ADD3: variants seen among roughly 807,000 people sequenced by gnomAD.
ADD3 encodes the protein adducin 3.
In ADD3, 25 loss-of-function variants were observed where a neutral mutation model predicts 80.2. The observed-to-expected ratio is 0.31, with a 90% CI of 0.23 to 0.44. The LOEUF is 0.44. Ranked by LOEUF, ADD3 falls within the 20% of genes least tolerant of loss-of-function variation. The probability of loss-of-function intolerance (pLI) is 1.00; values close to 1 mark genes in which losing one functional copy is unlikely to be tolerated. For missense variants in ADD3, 829 were observed against 847.5 expected (o/e 0.98, Z 0.27); for synonymous variants, 284 against 289.6 (o/e 0.98, Z 0.20).
chr10:109,998,094 TAATGATA>T (rs548176945), intron 1 of ADD3, among the ~76,000 whole-genome samples: 35 of 152,348 alleles, frequency 2.3e-4, no homozygotes, highest in African/African-American at 7.9e-4. Flanking sequence ...GGGAGGAAAT[TAATGATA>T]AATAAGTACA....
intron 1 of ADD3, among the ~76,000 whole-genome samples, chr10:110,062,541 C>T (rs929334509): frequency 3.9e-5 from 6 of 152,086 alleles, no homozygotes; most frequent in African/African-American, 1.4e-4. Context: ...GATCTCACCA[C>T]TGCACTCCTG....
intron 1 of ADD3, among the ~76,000 whole-genome samples, chr10:110,076,614 C>T (rs1053760315): frequency 6.6e-6 from 1 of 152,162 alleles, no homozygotes; most frequent in Non-Finnish European, 1.5e-5. Context: ...CCTCCAGAAA[C>T]AGGCTGAAGT....
intron 1 of ADD3, among the ~76,000 whole-genome samples, chr10:110,023,444 C>T (rs889119127): frequency 2.0e-5 from 3 of 152,166 alleles, no homozygotes; most frequent in Admixed American, 6.5e-5. Flanking sequence ...TCTATTATAG[C>T]AGCCTGAACA....
intron 3 of ADD3, 140 bp downstream of exon 3, chr10:110,113,055 C>A: frequency 1.2e-6 from 1 of 847,178 alleles, no homozygotes; most frequent in Non-Finnish European, 1.8e-6. Context: ...AGTGTTAGAC[C>A]CTCCTACCTT....
chr10:110,059,806 G>A (rs1345858560), intron 1 of ADD3, among the ~76,000 whole-genome samples: 1 of 152,168 alleles, frequency 6.6e-6, no homozygotes, highest in Non-Finnish European at 1.5e-5. Flanking sequence ...ATTCATACAA[G>A]TATGAATTTC....
At chr10:110,043,794 A>G (rs923702260) in intron 1 of ADD3, among the ~76,000 whole-genome samples, 2 of 152,250 alleles carry the variant, frequency 1.3e-5, no homozygotes, top group Non-Finnish European at 2.9e-5. Context: ...AATGGAGAAG[A>G]TACACTGTGT....
intron 1 of ADD3, among the ~76,000 whole-genome samples, chr10:110,087,271 A>G (rs1846899881): frequency 6.6e-6 from 1 of 152,146 alleles, no homozygotes; most frequent in African/African-American, 2.4e-5. Flanking sequence ...ATCTCAAGTG[A>G]TCCACCTGCC....
intron 1 of ADD3, among the ~76,000 whole-genome samples, chr10:110,065,100 G>C (rs1176394814): frequency 6.6e-6 from 1 of 152,052 alleles, no homozygotes; most frequent in Admixed American, 6.6e-5. Context: ...TTCCATCCCA[G>C]CCTGCCCTTC....
intron 1 of ADD3, among the ~76,000 whole-genome samples, chr10:110,032,203 A>T (rs1189063297): frequency 1.3e-5 from 2 of 152,210 alleles, no homozygotes; most frequent in African/African-American, 4.8e-5. Context: ...ATTAAGCTGG[A>T]TAAGTGTTAT....
At chr10:110,068,953 T>C (rs935433323) in intron 1 of ADD3, among the ~76,000 whole-genome samples, 4 of 152,070 alleles carry the variant, frequency 2.6e-5, no homozygotes, top group African/African-American at 9.7e-5. Flanking sequence ...CATGTGAGCC[T>C]GTGGTCCCAG....
intron 1 of ADD3, among the ~76,000 whole-genome samples, chr10:110,054,592 A>G (rs1234475575): frequency 6.8e-6 from 1 of 147,816 alleles, no homozygotes; most frequent in Admixed American, 6.8e-5. Flanking sequence ...ACAGGCACGC[A>G]CCACCATGCC....
intron 1 of ADD3, among the ~76,000 whole-genome samples, chr10:110,060,410 CT>C (rs1163708013): frequency 5.3e-5 from 8 of 152,156 alleles, no homozygotes; most frequent in Non-Finnish European, 1.0e-4. Flanking sequence ...AAAACCCCCC[CT>C]CTGAATAAAA....
intron 1 of ADD3, among the ~76,000 whole-genome samples, chr10:110,059,755 C>G (rs1029552469): frequency 6.6e-6 from 1 of 151,966 alleles, no homozygotes; most frequent in Admixed American, 6.6e-5. Flanking sequence ...GGTGACAGAG[C>G]GAGACTCTGT....
intron 1 of ADD3, among the ~76,000 whole-genome samples, chr10:110,097,363 G>A (rs1302218615): frequency 6.6e-6 from 1 of 152,144 alleles, no homozygotes; most frequent in African/African-American, 2.4e-5. Flanking sequence ...CCTGAAAATT[G>A]TGGTATTAAT....
chr10:110,119,457 C>G lies in ADD3; in HGVS notation c.862-9C>G, dbSNP rs1336463892. On this transcript the variant is annotated splice_polypyrimidine_tract_variant and intron_variant, in intron 7 of 14. Transcript: ENST00000356080. ...ATTTCAAGTGATTGCTGTGGGCATT[C>G]TATTTTAGGTGCTGGTACTCAGGAA... The G allele has an allele frequency of 6.2e-7, 1 of 1,613,770 alleles. No homozygotes were observed. Among genetic ancestry groups the G allele is most frequent in the Non-Finnish European group, 8.5e-7 (1 of 1,179,818 alleles).
intron 9 of ADD3, among the ~76,000 whole-genome samples, chr10:110,122,764 C>T (rs781457811): frequency 2.1e-4 from 32 of 151,668 alleles, no homozygotes; most frequent in Non-Finnish European, 3.4e-4. Context: ...TGGGACATAA[C>T]GTGTGTGCCA....
intron 1 of ADD3, among the ~76,000 whole-genome samples, chr10:110,034,752 A>G (rs1188976650): frequency 6.6e-6 from 1 of 152,224 alleles, no homozygotes; most frequent in Non-Finnish European, 1.5e-5. Flanking sequence ...TAAAAATGAC[A>G]TCTGAGAATG....
intron 1 of ADD3, among the ~76,000 whole-genome samples, chr10:110,050,428 A>G (rs1430593235): frequency 6.6e-6 from 1 of 151,454 alleles, no homozygotes; most frequent in African/African-American, 2.4e-5. Context: ...GTCTGCCACC[A>G]TATAAGACAT....
At chr10:110,068,008 A>C (rs991426859) in intron 1 of ADD3, among the ~76,000 whole-genome samples, 4 of 151,978 alleles carry the variant, frequency 2.6e-5, no homozygotes, top group Non-Finnish European at 5.9e-5. Flanking sequence ...CCCCATTTAC[A>C]GGATTGTGCA....
Sources: allele counts gnomAD v4.1 joint callset (sites outside exome capture counted in the v4.1 genomes callset), GRCh38; gene constraint gnomAD v4.1.1; transcripts MANE v1.5; gene names NCBI Gene and HGNC (gene_info 2026-07-23, HGNC 2026-07-21).